Variants in KCNH5 observed in about 807,000 individuals in gnomAD.
KCNH5 encodes the protein voltage-gated delayed rectifier potassium channel KCNH5.
A neutral mutation model predicts 96.1 loss-of-function variants in KCNH5; 46 were observed. That is an observed-to-expected ratio of 0.48 (90% CI 0.38 to 0.61). The LOEUF (loss-of-function observed/expected upper bound fraction) is 0.61. KCNH5 is among the 20% of genes least tolerant of loss of function. The pLI is 0.00. For synonymous variants in KCNH5, 439 were observed against 449.8 expected (o/e 0.98, Z 0.30); for missense variants, 907 against 1,225.8 (o/e 0.74, Z 3.88).
intron 5 of KCNH5, among the ~76,000 whole-genome samples, chr14:62,985,153 C>T (rs994334483): frequency 6.6e-6 from 1 of 152,138 alleles, no homozygotes; most frequent in Non-Finnish European, 1.5e-5. Flanking sequence ...TGCTTTAAAT[C>T]TTGTACTAAT....
Position 62,810,411 on chromosome 14 carries a change from C to T in KCNH5, c.1570-7830G>A, listed in dbSNP as rs140499954. Among the ~76,000 whole-genome samples, 492 of 152,140 alleles carry T rather than the reference C, an allele frequency of 3.2e-3. 2 individuals are homozygous for T. The highest frequency in any genetic ancestry group is 0.012 in the African/African-American group (481 of 41,540). ...GGGATGCGAACTAGAACAAGTCCAT[C>T]TTGAATAGGAGCTGGGTAAAATGAG... is the stretch of plus-strand genomic sequence containing the variant. On this transcript the variant is annotated intron_variant, in intron 8 of 10. Coordinates refer to ENST00000322893, the MANE Select transcript of KCNH5 (RefSeq NM_139318.5).
intron 7 of KCNH5, among the ~76,000 whole-genome samples, chr14:62,901,120 C>G (rs1888916593): frequency 6.6e-6 from 1 of 152,174 alleles, no homozygotes. Context: ...TCCTAAATAG[C>G]TGGGATTACA....
chr14:62,902,967 C>T (rs536611922), intron 7 of KCNH5, among the ~76,000 whole-genome samples: 1 of 152,256 alleles, frequency 6.6e-6, no homozygotes, highest in South Asian at 2.1e-4. Context: ...ATCCACCCAC[C>T]TCGGCCTCCC....
At chr14:62,960,785 C>T (rs1890191841) in intron 6 of KCNH5, among the ~76,000 whole-genome samples, 1 of 152,118 alleles carries the variant, frequency 6.6e-6, no homozygotes, top group Non-Finnish European at 1.5e-5. Flanking sequence ...ACCAAGAGCT[C>T]TACGGGGAAA....
intron 7 of KCNH5, among the ~76,000 whole-genome samples, chr14:62,908,782 A>ATTTT (rs71120241): frequency 0.11 from 2,609 of 23,704 alleles, 689 homozygotes; most frequent in South Asian, 0.14. Flanking sequence ...TTTGCTTTGT[A>ATTTT]TTTTTTTTTT....
At chr14:62,947,961 A>G (rs1192967449) in intron 7 of KCNH5, among the ~76,000 whole-genome samples, 12 of 151,814 alleles carry the variant, frequency 7.9e-5, no homozygotes, top group East Asian at 3.9e-4. Flanking sequence ...ATATCTCCCA[A>G]TGCTATCCCT....
intron 6 of KCNH5, among the ~76,000 whole-genome samples, chr14:62,975,794 A>T (rs1890488321): frequency 6.6e-6 from 1 of 152,148 alleles, no homozygotes. Context: ...GGCATTTAAA[A>T]ATAGAAAATA....
chr14:62,948,285 C>T (rs139834210), intron 7 of KCNH5, among the ~76,000 whole-genome samples: 2,884 of 152,220 alleles, frequency 0.019, 56 homozygotes, highest in East Asian at 0.08. Flanking sequence ...CTGCAATAAA[C>T]ATATGTGTGC....
At chr14:62,898,016 A>T (rs927059568) in intron 7 of KCNH5, among the ~76,000 whole-genome samples, 7 of 152,216 alleles carry the variant, frequency 4.6e-5, no homozygotes, top group Non-Finnish European at 1.0e-4. Context: ...TGAGTCAATG[A>T]GCCAGCAAGT....
chr14:62,811,735 T>A (rs1482399661), intron 8 of KCNH5, among the ~76,000 whole-genome samples: 1 of 152,156 alleles, frequency 6.6e-6, no homozygotes, highest in Non-Finnish European at 1.5e-5. Context: ...AACACCTTCC[T>A]TTATGCTCAA....
intron 10 of KCNH5, among the ~76,000 whole-genome samples, chr14:62,715,573 G>A (rs556106592): frequency 1.8e-4 from 28 of 152,236 alleles, no homozygotes; most frequent in Middle Eastern, 3.4e-3. Context: ...TGGGGCTGTC[G>A]CAAATGACCA....
In KCNH5 at chr14:62,707,212, A is replaced by G. The variant is rs139790507; in HGVS notation, c.*296T>C. On this transcript the variant is annotated 3_prime_UTR_variant, in exon 11 of 11. Coordinates refer to ENST00000322893, the MANE Select transcript of KCNH5 (RefSeq NM_139318.5). ...TTGGCAGGTTGGACCCTGATTCTTCAAATATTACATTGCCTTGGGTAACAA... is the reference window on the plus strand; with the variant it reads ...TTGGCAGGTTGGACCCTGATTCTTCGAATATTACATTGCCTTGGGTAACAA... 8.4e-5 allele frequency: 14 copies of G among 167,222 alleles called. No individual in the cohort carries two copies. Among genetic ancestry groups the G allele is most frequent in the Middle Eastern group, 2.7e-3 (1 of 364 alleles). The allele number at this position is 167,222 out of a possible 1,614,324, so 10.4% of individuals were successfully genotyped here.
In KCNH5 at chr14:62,950,440, A is replaced by G; in HGVS notation, c.1062T>C (p.Cys354=). 6.2e-7 allele frequency: 1 copy of G among 1,613,996 alleles called. No homozygotes were observed. The highest frequency in any genetic ancestry group is 8.5e-7 in the Non-Finnish European group (1 of 1,179,984). The change falls in exon 7 of 11, where the codon TGT becomes TGC. Residue 354 remains cysteine (C), a synonymous_variant. Coordinates refer to ENST00000322893, the MANE Select transcript of KCNH5 (RefSeq NM_139318.5). ...GCCAGTGGGCCACCAGTCCAAACAC[A>G]CACACCAGGAGCACGAGGACTGCTG... ...YGAAVLVLLV[C]VFGLVAHWLA...
rs1224282717 is a variant in KCNH5 at position 62,700,840 on chromosome 14, C to T, written c.*6668G>A. The T allele has an allele frequency of 2.0e-5, 3 of 152,118 alleles. No homozygotes were observed. Among genetic ancestry groups the T allele is most frequent in the African/African-American group, 7.2e-5 (3 of 41,446 alleles). 9.4% of individuals were successfully genotyped at this position (152,118 alleles called of 1,614,324 possible). On this transcript the variant is annotated 3_prime_UTR_variant, in exon 11 of 11. Coordinates refer to ENST00000322893, the MANE Select transcript of KCNH5 (RefSeq NM_139318.5). Reference sequence around the variant, plus strand: ...TCCATGGCAACAATGGTTCTAGGAACAACAATAATCTTTATGTTGCTTTTT... The same window carrying T: ...TCCATGGCAACAATGGTTCTAGGAATAACAATAATCTTTATGTTGCTTTTT...
At chr14:62,762,097 G>A (rs1195293665) in intron 10 of KCNH5, among the ~76,000 whole-genome samples, 1 of 152,162 alleles carries the variant, frequency 6.6e-6, no homozygotes, top group African/African-American at 2.4e-5. Context: ...TTGCTGCTTG[G>A]AGAGGTGGCA....
rs530345446 is a variant in KCNH5, at chr14:62,980,050, G to A, written c.942+822C>T. Among the ~76,000 whole-genome samples the A allele has an allele frequency of 2.0e-5, 3 of 152,220 alleles. No homozygotes were observed. The South Asian group carries it at 6.2e-4, about 32-fold the overall frequency. On this transcript the variant is annotated intron_variant, in intron 6 of 10. Coordinates refer to ENST00000322893, the MANE Select transcript of KCNH5 (RefSeq NM_139318.5). The stretch of plus-strand genomic sequence containing the variant: ...AGTGAGGGAGATCTCATGCGATCTG[G>A]GGGTTTTAAAAGTGGCAGTTTCCCC...
At chr14:62,915,119 G>A (rs1376685839) in intron 7 of KCNH5, among the ~76,000 whole-genome samples, 9 of 152,230 alleles carry the variant, frequency 5.9e-5, no homozygotes, top group African/African-American at 2.4e-5. Context: ...AGTCACATAT[G>A]CCTAACTGGC....
rs1594641499 is a variant in KCNH5 at position 62,950,678 on chromosome 14, T to C, written c.943-119A>G. 3 of 731,652 alleles carry C rather than the reference T, an allele frequency of 4.1e-6. No individual in the cohort carries two copies. In the South Asian group the frequency reaches 1.0e-4, roughly 24 times the overall value. 45.3% of individuals were successfully genotyped at this position (731,652 alleles called of 1,614,324 possible). ...CATCCAATTATATATTAAGAACATA[T>C]GTATATTATAGGTCTGATTTTAAGA... On this transcript the variant is annotated intron_variant, in intron 6 of 10. Coordinates refer to ENST00000322893, the MANE Select transcript of KCNH5 (RefSeq NM_139318.5).
chr14:62,994,913 G>A (rs1044148161), intron 4 of KCNH5, among the ~76,000 whole-genome samples: 10 of 151,950 alleles, frequency 6.6e-5, no homozygotes, highest in South Asian at 6.2e-4. Context: ...CTTCCCTTTC[G>A]ATGGGTTTTG....
Sources: gnomAD v4.1 joint callset for allele counts (sites outside exome capture counted in the v4.1 genomes callset) on GRCh38, gnomAD v4.1.1 for gene constraint, MANE v1.5 for transcripts, NCBI Gene and HGNC (gene_info 2026-07-23, HGNC 2026-07-21) for gene names.